The following PHEX variants were observed in gnomAD, a reference collection of about 807,000 sequenced individuals.
PHEX encodes phosphate regulating endopeptidase X-linked.
A neutral mutation model predicts 68.0 loss-of-function variants in PHEX; 16 were observed. The observed-to-expected ratio is 0.24, with a 90% CI of 0.16 to 0.36. PHEX has a LOEUF of 0.36. Ranked by LOEUF, PHEX falls within the 10% of genes least tolerant of loss-of-function variation. The pLI, the probability that PHEX is intolerant of heterozygous loss-of-function variation, is 1.00. For synonymous variants in PHEX, 208 were observed against 205.1 expected, an observed-to-expected ratio of 1.01 and a Z score of -0.12; for missense variants, 480 against 575.5, an observed-to-expected ratio of 0.83 and a Z score of 1.70.
At position 22,249,455 on chromosome X, in the gene PHEX, A is replaced by AAAAATATATATATATATAT; in HGVS notation, c.*1503_*1504insAAATATATATATATATATA. ...TTGTGATTCTTTTAAAAAAAAAAAA[A>AAAAATATATATATATATAT]ATATATATATATATATATATATATA... On this transcript the variant is annotated 3_prime_UTR_variant, in exon 22 of 22. Transcript: ENST00000379374. The AAAAATATATATATATATAT allele has an allele frequency of 7.8e-4, 31 of 39,742 alleles. 1 individual carries two copies. Among genetic ancestry groups the AAAAATATATATATATATAT allele is most frequent in the Non-Finnish European group, 1.2e-3 (30 of 24,455 alleles). 3.3% of individuals were successfully genotyped at this position (39,742 alleles called of 1,213,427 possible).
At chrX:22,219,808 G>A (rs957295971) in intron 17 of PHEX, among the ~76,000 whole-genome samples, 2 of 110,611 alleles carry the variant, frequency 1.8e-5, no homozygotes, top group African/African-American at 6.6e-5. Flanking sequence ...TAATAGAGAC[G>A]GGGTTTCACC....
intron 12 of PHEX, among the ~76,000 whole-genome samples, chrX:22,159,041 G>A (rs1052192739): frequency 5.3e-5 from 6 of 113,027 alleles, no homozygotes; most frequent in African/African-American, 1.9e-4. Context: ...GAGATCTGTC[G>A]CATGTAAATG....
At chrX:22,186,082 T>G (rs1934025811) in intron 14 of PHEX, among the ~76,000 whole-genome samples, 2 of 111,710 alleles carry the variant, frequency 1.8e-5, no homozygotes, top group South Asian at 7.6e-4. Context: ...GTAGTTACAG[T>G]CAGATAGTGG....
intron 12 of PHEX, among the ~76,000 whole-genome samples, chrX:22,150,551 A>C: frequency 8.9e-6 from 1 of 112,148 alleles, no homozygotes; most frequent in Non-Finnish European, 1.9e-5. Context: ...CTTTATTTAC[A>C]ACACCAGGCA....
At chrX:22,232,857 T>TTTACC (rs1459207491) in intron 20 of PHEX, among the ~76,000 whole-genome samples, 6 of 109,819 alleles carry the variant, frequency 5.5e-5, no homozygotes, top group Non-Finnish European at 1.1e-4. Context: ...ACCTGGATAT[T>TTTACC]TTACCCATTA....
At chrX:22,244,434 A>T (rs1203548035) in intron 20 of PHEX, among the ~76,000 whole-genome samples, 1 of 38,428 alleles carries the variant, frequency 2.6e-5, no homozygotes, top group East Asian at 6.1e-4. Context: ...AAAGTATAAT[A>T]AAAAAAAAAA....
intron 20 of PHEX, among the ~76,000 whole-genome samples, chrX:22,231,440 A>AATTTCAGAACTTGTTATTGGTCT (rs1935732942): frequency 1.8e-5 from 2 of 111,651 alleles, no homozygotes; most frequent in East Asian, 5.6e-4. Context: ...TTGCTGCCTC[A>AATTTCAGAACTTGTTATTGGTCT]ATTTCAGAAC....
chrX:22,178,153 G>A (rs1933766438), intron 13 of PHEX, 120 bp from the exon 14 acceptor site: 1 of 440,504 alleles, frequency 2.3e-6, no homozygotes, highest in African/African-American at 2.4e-5. Flanking sequence ...GATAACAGCT[G>A]AGAGAGGCTG....
At chrX:22,060,076 G>A (rs1363869263) in intron 3 of PHEX, among the ~76,000 whole-genome samples, 2 of 105,989 alleles carry the variant, frequency 1.9e-5, no homozygotes, top group Non-Finnish European at 3.8e-5. Context: ...GAATGCTTGA[G>A]CCCAGGAATT....
intron 15 of PHEX, among the ~76,000 whole-genome samples, chrX:22,209,536 A>T (rs776903278): frequency 7.1e-4 from 78 of 109,727 alleles, no homozygotes; most frequent in Non-Finnish European, 1.3e-3. Context: ...GCATTAAGAG[A>T]TGACTAAATT....
chrX:22,040,746 A>C (rs1465178980), intron 2 of PHEX, among the ~76,000 whole-genome samples: 1 of 110,697 alleles, frequency 9.0e-6, no homozygotes, highest in Non-Finnish European at 1.9e-5. Context: ...GCAAGTGATG[A>C]GGAGTCAATG....
At chrX:22,156,672 C>T (rs771263554) in intron 12 of PHEX, among the ~76,000 whole-genome samples, 1 of 110,051 alleles carries the variant, frequency 9.1e-6, no homozygotes, top group South Asian at 3.9e-4. Flanking sequence ...TGTTCCCACT[C>T]TTGGGCTGTT....
chrX:22,199,724 A>G (rs1934488126), intron 15 of PHEX, among the ~76,000 whole-genome samples: 1 of 112,241 alleles, frequency 8.9e-6, no homozygotes, highest in South Asian at 3.7e-4. Flanking sequence ...CAATTCAGGT[A>G]TGCCAAAGAG....
chrX:22,059,370 A>G (rs113738431), intron 3 of PHEX, among the ~76,000 whole-genome samples: 5,338 of 112,238 alleles, frequency 0.048, 123 homozygotes, highest in African/African-American at 0.087. Context: ...CAGATGTTGC[A>G]GGTATCTTGA....
chrX:22,044,266 G>A (rs1482971899), intron 2 of PHEX, among the ~76,000 whole-genome samples: 1 of 111,170 alleles, frequency 9.0e-6, no homozygotes, highest in African/African-American at 3.3e-5. Context: ...GACTGTAAAT[G>A]TTGTGTGGGA....
intron 15 of PHEX, among the ~76,000 whole-genome samples, chrX:22,194,064 G>A (rs1934287758): frequency 8.9e-6 from 1 of 111,743 alleles, no homozygotes; most frequent in Non-Finnish European, 1.9e-5. Flanking sequence ...TCCATCTCCA[G>A]GGTTCACCCC....
chrX:22,061,426 A>C (rs1454451458), intron 3 of PHEX, among the ~76,000 whole-genome samples: 1 of 111,496 alleles, frequency 9.0e-6, no homozygotes, highest in Non-Finnish European at 1.9e-5. Flanking sequence ...CAATGTGACA[A>C]AATCCCCATT....
chrX:22,035,843 A>G (rs1385922143), intron 1 of PHEX, among the ~76,000 whole-genome samples: 1 of 108,661 alleles, frequency 9.2e-6, no homozygotes, highest in East Asian at 2.9e-4. Flanking sequence ...TATTAAAAAT[A>G]TTTTCTTTAT....
At chrX:22,243,326 A>G (rs1399775611) in intron 20 of PHEX, among the ~76,000 whole-genome samples, 1 of 112,282 alleles carries the variant, frequency 8.9e-6, no homozygotes, top group African/African-American at 3.2e-5. Flanking sequence ...GACCATAAAA[A>G]TCCTAGAAGA....
Sources: allele counts gnomAD v4.1 joint callset (sites outside exome capture counted in the v4.1 genomes callset), GRCh38; gene constraint gnomAD v4.1.1; transcripts MANE v1.5; gene names NCBI Gene and HGNC (gene_info 2026-07-23, HGNC 2026-07-21).